Variants in AKAP8L observed in about 807,000 individuals in gnomAD.
AKAP8L encodes A-kinase anchor protein 8-like.
A neutral mutation model predicts 77.5 loss-of-function variants in AKAP8L; 34 were observed. That is an observed-to-expected ratio of 0.44 (90% confidence interval 0.33 to 0.58). The LOEUF is 0.58. AKAP8L is among the 20% of genes least tolerant of loss of function. The pLI, the probability that AKAP8L is intolerant of heterozygous loss-of-function variation, is 0.02. For synonymous variants in AKAP8L, 342 were observed against 340.7 expected (o/e 1.00, Z -0.04); for missense variants, 806 against 887.6 (o/e 0.91, Z 1.17).
chr19:15,391,945 CT>C (rs1270570104), intron 12 of AKAP8L, among the ~76,000 whole-genome samples: 1 of 152,182 alleles, frequency 6.6e-6, no homozygotes, highest in African/African-American at 2.4e-5. Context: ...AAGCCATCCT[CT>C]TACCTCAGCC....
Position 15,403,653 on chromosome 19 carries a change from C to A in AKAP8L, c.184G>T (p.Gly62Cys). Residue 62 changes from glycine to cysteine, a missense_variant, in exon 4 of 14, where the codon GGT (glycine) becomes TGT (cysteine). Physicochemically the swap from Gly to Cys is radical, Grantham distance 159. Coordinates refer to ENST00000397410, the MANE Select transcript of AKAP8L (RefSeq NM_014371.4). This position sits in a 1 kb window ranked among gnomAD's most constrained non-coding sequence, Gnocchi z 4.3. ...TCCCAAGAGTGTGAAGTGGCCATAC[C>A]ATACCCATAGTTGGTGGTGTTATCC... ...GQDNTTNYGY[G>C]MATSHSWEMP... The A allele has an allele frequency of 6.2e-7, 1 of 1,613,334 alleles. No individual in the cohort carries two copies.
chr19:15,396,592 TC>T (rs1473050439), intron 12 of AKAP8L, among the ~76,000 whole-genome samples: 2 of 152,236 alleles, frequency 1.3e-5, no homozygotes, highest in East Asian at 3.9e-4. Flanking sequence ...TTCTGATCAC[TC>T]CCACATGCCA....
chr19:15,417,754 T>C (rs1475955559), intron 1 of AKAP8L: 1 of 152,204 alleles, frequency 6.6e-6, no homozygotes, highest in Non-Finnish European at 1.5e-5. Flanking sequence ...CCAAGTAGAA[T>C]GCAGGTTACC....
At chr19:15,390,917 T>G (rs116619368) in intron 12 of AKAP8L, among the ~76,000 whole-genome samples, 1 of 152,164 alleles carries the variant, frequency 6.6e-6, no homozygotes, top group Non-Finnish European at 1.5e-5. Flanking sequence ...CGTCTTCAAC[T>G]CAATCAAGGG....
chr19:15,385,981 G>C (rs1302518290), intron 12 of AKAP8L, among the ~76,000 whole-genome samples: 1 of 149,582 alleles, frequency 6.7e-6, no homozygotes, highest in Non-Finnish European at 1.5e-5. Flanking sequence ...CGCGATCTCG[G>C]CTCACTGCAA....
At chr19:15,407,436 A>C (rs1445196159) in intron 2 of AKAP8L, among the ~76,000 whole-genome samples, 2 of 152,230 alleles carry the variant, frequency 1.3e-5, no homozygotes. Flanking sequence ...AGAAGGAAAA[A>C]TAAATCCATC....
At chr19:15,396,919 G>T (rs976058701) in intron 12 of AKAP8L, among the ~76,000 whole-genome samples, 1 of 152,198 alleles carries the variant, frequency 6.6e-6, no homozygotes, top group African/African-American at 2.4e-5. Context: ...TATGAACATG[G>T]AGGTCCCCAT....
At chr19:15,406,362 G>GGAGAGAGGGAGAGAGAGAGAGA (rs1967997331) in intron 2 of AKAP8L, among the ~76,000 whole-genome samples, 3 of 89,364 alleles carry the variant, frequency 3.4e-5, no homozygotes, top group African/African-American at 1.5e-4. Flanking sequence ...GAAATTTTAA[G>GGAGAGAGGGAGAGAGAGAGAGA]GAGAGAGAGA....
chr19:15,406,404 A>AGAGAGAGAGAGAGAGAT (rs60749981), intron 2 of AKAP8L, among the ~76,000 whole-genome samples: 1 of 143,710 alleles, frequency 7.0e-6, no homozygotes, highest in African/African-American at 2.6e-5. Flanking sequence ...AGAGAGAGAG[A>AGAGAGAGAGAGAGAGAT]TCCTTAAAAT....
At chr19:15,394,598 T>C (rs1313568075) in intron 12 of AKAP8L, among the ~76,000 whole-genome samples, 1 of 152,018 alleles carries the variant, frequency 6.6e-6, no homozygotes, top group Non-Finnish European at 1.5e-5. Flanking sequence ...GTCTGGACTG[T>C]GGTGGTGCAA....
chr19:15,398,853 G>T lies in AKAP8L; in HGVS notation c.1157+449C>A. The T allele has an allele frequency of 9.9e-7, 1 of 1,006,472 alleles. No individual in the cohort carries two copies. Among genetic ancestry groups the T allele is most frequent in the Non-Finnish European group, 1.2e-6 (1 of 836,250 alleles). 62.3% of individuals were successfully genotyped at this position (1,006,472 alleles called of 1,614,324 possible). ...GACAGGGCCGGCGGGCAGGGCAGAA[G>T]GCAGGCCCGAGGCTGCCACAGCCCA... is the stretch of plus-strand genomic sequence containing the variant. On this transcript the variant is annotated intron_variant, in intron 9 of 13. Transcript: ENST00000397410. This position sits in a 1 kb window ranked among gnomAD's most constrained non-coding sequence, Gnocchi z 9.2.
chr19:15,386,840 G>A (rs1032853549), intron 12 of AKAP8L, among the ~76,000 whole-genome samples: 17 of 152,090 alleles, frequency 1.1e-4, no homozygotes, highest in African/African-American at 4.1e-4. Context: ...TGTATTTTTA[G>A]TAAAGATGGG....
chr19:15,383,845 G>C (rs1967468578), intron 12 of AKAP8L: 1 of 151,806 alleles, frequency 6.6e-6, no homozygotes, highest in African/African-American at 2.4e-5. Flanking sequence ...TTAATTTGGA[G>C]AGAACTGGTT....
intron 6 of AKAP8L, 22 bp from the exon 7 acceptor site, chr19:15,400,886 G>C: frequency 1.9e-6 from 3 of 1,613,946 alleles, no homozygotes; most frequent in Non-Finnish European, 2.5e-6. Context: ...AAGGAGGTAA[G>C]CTCAACCCAG....
chr19:15,382,348 C>T (rs1284065132), intron 12 of AKAP8L, among the ~76,000 whole-genome samples: 7 of 151,922 alleles, frequency 4.6e-5, no homozygotes, highest in South Asian at 2.1e-4. Flanking sequence ...ACTACGGGCA[C>T]GCACCACCAC....
At chr19:15,411,618 T>C (rs796455712) in intron 1 of AKAP8L, among the ~76,000 whole-genome samples, 3 of 152,158 alleles carry the variant, frequency 2.0e-5, no homozygotes, top group African/African-American at 7.2e-5. Flanking sequence ...AGCAAGACCC[T>C]GTCTCAAAAC....
Position 15,400,872 on chromosome 19 carries a change from G to T in AKAP8L, c.914-8C>A. On this transcript the variant is annotated splice_polypyrimidine_tract_variant and splice_region_variant and intron_variant, in intron 6 of 13. Coordinates refer to ENST00000397410, the MANE Select transcript of AKAP8L (RefSeq NM_014371.4). ...CCCCCTCGGTGCCCTCATCTGAAAG[G>T]GAAAAGGAGGTAAGCTCAACCCAGG... The T allele has an allele frequency of 6.2e-7, 1 of 1,614,000 alleles. No homozygotes were observed. Among genetic ancestry groups the T allele is most frequent in the Non-Finnish European group, 8.5e-7 (1 of 1,179,882 alleles).
intron 2 of AKAP8L, among the ~76,000 whole-genome samples, chr19:15,405,914 T>G (rs1177579375): frequency 6.6e-6 from 1 of 150,626 alleles, no homozygotes; most frequent in Non-Finnish European, 1.5e-5. Flanking sequence ...CGAGCGAGAC[T>G]CTGTCTCAAA....
In AKAP8L at chr19:15,401,556, C is replaced by T. The variant is rs377552220; in HGVS notation, c.410G>A (p.Arg137His). The T allele has an allele frequency of 2.6e-5, 42 of 1,612,600 alleles. No individual in the cohort carries two copies. The highest frequency in any genetic ancestry group is 7.7e-5 in the South Asian group (7 of 90,968). The change falls in exon 5 of 14, where the codon CGC (arginine) becomes CAC (histidine). Residue 137 changes from arginine to histidine, a missense_variant. This residue lies in a region of AKAP8L where 580 missense variants were observed against 694.1 expected (regional missense o/e 0.84). Coordinates refer to ENST00000397410, the MANE Select transcript of AKAP8L (RefSeq NM_014371.4). This position sits in a 1 kb window ranked among gnomAD's most constrained non-coding sequence, Gnocchi z 6.2. Reference protein sequence around the residue: ...SCDSRAVLSERDLYRSGYDYS... With the variant: ...SCDSRAVLSEHDLYRSGYDYS... ...GTCATAGCCTGACCGGTACAGGTCG[C>T]GCTCACTCAGGACGGCCCTCGAGTC...
Sources: gnomAD v4.1 joint callset for allele counts (sites outside exome capture counted in the v4.1 genomes callset) on GRCh38, gnomAD v4.1.1 for gene constraint, gnomAD v4.1.1 regional missense constraint, Gnocchi (gnomAD v3.1) non-coding constraint, MANE v1.5 for transcripts, NCBI Gene and HGNC (gene_info 2026-07-23, HGNC 2026-07-21) for gene names.